Variants in PKD2 observed in about 807,000 individuals in gnomAD.
PKD2 encodes the protein polycystin-2.
In PKD2, 48 loss-of-function variants were observed where a neutral mutation model predicts 105.9. That is an observed-to-expected ratio of 0.45 (90% CI 0.36 to 0.58). The LOEUF is 0.58. Among genes scored for constraint, PKD2 ranks in the 20% least tolerant of loss-of-function variants. The probability of loss-of-function intolerance (pLI) is 0.00; values close to 1 mark genes in which losing one functional copy is unlikely to be tolerated. For synonymous variants in PKD2, 464 were observed against 481.1 expected, an observed-to-expected ratio of 0.96 and a Z score of 0.46; for missense variants, 1,078 against 1,255.3, an observed-to-expected ratio of 0.86 and a Z score of 2.13.
intron 4 of PKD2, among the ~76,000 whole-genome samples, chr4:88,040,623 A>G (rs569055092): frequency 6.6e-6 from 1 of 152,288 alleles, no homozygotes; most frequent in South Asian, 2.1e-4. Context: ...TGCTTTTGAC[A>G]TCTCACCAGG....
chr4:88,057,879 C>T lies in PKD2; in HGVS notation c.1899-104C>T, dbSNP rs955356427. The T allele has an allele frequency of 9.9e-6, 9 of 906,444 alleles. No individual in the cohort carries two copies. In the African/African-American group the frequency reaches 1.5e-4, roughly 15 times the overall value. The allele number at this position is 906,444 out of a possible 1,614,324, so 56.2% of individuals were successfully genotyped here. A position where few individuals can be genotyped will look rare whatever the true frequency, so the allele number is the denominator to read the frequency against. On this transcript the variant is annotated intron_variant, in intron 8 of 14. Transcript: ENST00000237596. ...TTCTGTTATTCGGCAGCTACCTATA[C>T]TGCTAAAAGGTCCAAAAATAATGAA... is the stretch of plus-strand genomic sequence containing the variant.
chr4:88,067,886 C>T lies in PKD2; in HGVS notation c.2359-12C>T, dbSNP rs776794632. On this transcript the variant is annotated splice_polypyrimidine_tract_variant and intron_variant, in intron 12 of 14. Coordinates refer to ENST00000237596, the MANE Select transcript of PKD2 (RefSeq NM_000297.4). The stretch of plus-strand genomic sequence containing the variant: ...TGTTCTGCTCCTCACTCAGTGACCC[C>T]TTGTTCTTCAGGAGGACCTGGATTT... 2 of 1,612,996 alleles carry T rather than the reference C, an allele frequency of 1.2e-6. No homozygotes were observed. Among genetic ancestry groups the T allele is most frequent in the South Asian group, 1.1e-5 (1 of 91,064 alleles).
rs573170494 is a variant in PKD2 at position 88,023,474 on chromosome 4, A to G, written c.709+3903A>G. Among the ~76,000 whole-genome samples the G allele has an allele frequency of 6.6e-5, 10 of 152,380 alleles. 1 individual carries two copies. The South Asian group carries it at 1.7e-3, about 25-fold the overall frequency. On this transcript the variant is annotated intron_variant, in intron 2 of 14. Coordinates refer to ENST00000237596, the MANE Select transcript of PKD2 (RefSeq NM_000297.4). Reference sequence around the variant, plus strand: ...TCAGCATTGGGGATTATGTTTCAACATGAGATTTGGATGGGGACAACATCC... The same window carrying G: ...TCAGCATTGGGGATTATGTTTCAACGTGAGATTTGGATGGGGACAACATCC...
intron 2 of PKD2, 130 bp from the exon 3 acceptor site, chr4:88,036,090 G>A: frequency 1.4e-6 from 2 of 1,389,352 alleles, no homozygotes; most frequent in Non-Finnish European, 2.0e-6. Context: ...GAAGGCAAGG[G>A]TGAGAGAAGA....
intron 13 of PKD2, among the ~76,000 whole-genome samples, chr4:88,072,208 C>G (rs1262331883): frequency 1.3e-5 from 2 of 151,960 alleles, no homozygotes; most frequent in Non-Finnish European, 2.9e-5. Context: ...GTCTCAAACT[C>G]CTGAGTTCAA....
At chr4:88,047,934 AT>A (rs1223059016) in intron 6 of PKD2, among the ~76,000 whole-genome samples, 1 of 152,146 alleles carries the variant, frequency 6.6e-6, no homozygotes, top group Non-Finnish European at 1.5e-5. Context: ...AACTTCTAAG[AT>A]TTTTTTCAAG....
intron 1 of PKD2, among the ~76,000 whole-genome samples, chr4:88,011,889 T>G (rs1726392745): frequency 4.0e-5 from 1 of 25,234 alleles, no homozygotes; most frequent in Non-Finnish European, 8.4e-5. Context: ...TTACAGGTTT[T>G]CAATGGGGGG....
Position 88,043,459 on chromosome 4 carries a change from T to C in PKD2, c.1319+2T>C. On this transcript the variant is annotated splice_donor_variant, in intron 5 of 14. Transcript: ENST00000237596. LOFTEE classifies it high-confidence loss of function. ...CATTAACCTGTTCTGTGTGGTCAGGTGTGTACTGAGGACATGCATCCCTCC... is the reference window on the plus strand; with the variant it reads ...CATTAACCTGTTCTGTGTGGTCAGGCGTGTACTGAGGACATGCATCCCTCC... The C allele has an allele frequency of 6.3e-7, 1 of 1,589,926 alleles. No homozygotes were observed. The highest frequency in any genetic ancestry group is 2.2e-5 in the East Asian group (1 of 44,740).
intron 6 of PKD2, among the ~76,000 whole-genome samples, chr4:88,050,703 T>A (rs180725303): frequency 9.4e-4 from 141 of 149,768 alleles, no homozygotes; most frequent in Admixed American, 1.7e-3. Context: ...TTAGCTGAGA[T>A]GAGCTCCTCA....
At chr4:88,065,605 TTTTC>T in intron 11 of PKD2, 110 bp downstream of exon 11, 1 of 1,308,064 alleles carries the variant, frequency 7.6e-7, no homozygotes, top group Non-Finnish European at 1.1e-6. Flanking sequence ...TTTTTTTTTT[TTTTC>T]CAGAGGCAGG....
intron 13 of PKD2, among the ~76,000 whole-genome samples, chr4:88,071,975 CTTTTTTTT>C (rs1199490302): frequency 1.1e-5 from 1 of 87,110 alleles, no homozygotes; most frequent in Non-Finnish European, 2.1e-5. Context: ...AGAGGCCAGT[CTTTTTTTT>C]TTTTTTTTTT....
At chr4:88,012,277 C>T (rs549586183) in intron 1 of PKD2, among the ~76,000 whole-genome samples, 1 of 152,318 alleles carries the variant, frequency 6.6e-6, no homozygotes, top group Admixed American at 6.5e-5. Flanking sequence ...ACTAAGCCTT[C>T]TAAAGGTTAA....
intron 2 of PKD2, among the ~76,000 whole-genome samples, chr4:88,020,189 T>C (rs540666143): frequency 1.3e-5 from 2 of 152,350 alleles, no homozygotes; most frequent in Admixed American, 1.3e-4. Flanking sequence ...ATTATATCAG[T>C]TAACATAAAG....
At chr4:88,021,631 A>T (rs1448930882) in intron 2 of PKD2, among the ~76,000 whole-genome samples, 1 of 152,222 alleles carries the variant, frequency 6.6e-6, no homozygotes, top group Non-Finnish European at 1.5e-5. Flanking sequence ...CTGATTGAAC[A>T]AGAGTCCCAG....
intron 9 of PKD2, 111 bp downstream of exon 9, chr4:88,058,214 T>A: frequency 1.4e-6 from 1 of 725,926 alleles, no homozygotes; most frequent in African/African-American, 1.8e-5. Flanking sequence ...ACCCAGGAAG[T>A]AGAAAAAAGT....
chr4:88,072,405 A>G (rs1468368996), intron 13 of PKD2, among the ~76,000 whole-genome samples: 3 of 151,966 alleles, frequency 2.0e-5, no homozygotes, highest in Non-Finnish European at 2.9e-5. Flanking sequence ...TATCCCCACA[A>G]TCTCCATTGT....
In PKD2 at chr4:88,074,874, C is replaced by T. The variant is rs767919784; in HGVS notation, c.2585C>T (p.Ala862Val). The T allele has an allele frequency of 1.9e-6, 3 of 1,613,948 alleles. No individual in the cohort carries two copies. In the Admixed American group the frequency reaches 5.0e-5, roughly 27 times the overall value. ...GGCAGCATAGTGTCCAAGATTGACG[C>T]CGTGATCGTGAAGCTAGAGATTATG... is the stretch of plus-strand genomic sequence containing the variant. ...SIGSIVSKID[A>V]VIVKLEIMER... The change falls in exon 14 of 15, where the codon GCC (alanine) becomes GTC (valine). Residue 862 changes from alanine to valine, a missense_variant. By Grantham distance (64) the Ala-to-Val change is moderately conservative. This residue lies in a region of PKD2 where 868 missense variants were observed against 1,067.3 expected (regional missense o/e 0.81). Coordinates refer to ENST00000237596, the MANE Select transcript of PKD2 (RefSeq NM_000297.4).
chr4:88,043,281 A>T lies in PKD2; in HGVS notation c.1143A>T (p.Gly381=). The stretch of plus-strand genomic sequence containing the variant: ...ACTTGAATGGTAGTAGCCACTGGGG[A>T]ATCATTGCAACTTATAGTGGAGCTG... ...EKDLNGSSHW[G]IIATYSGAGY... Residue 381 remains glycine, a synonymous_variant, in exon 5 of 15, where the codon GGA becomes GGT. Coordinates refer to ENST00000237596, the MANE Select transcript of PKD2 (RefSeq NM_000297.4). 6.2e-7 allele frequency: 1 copy of T among 1,613,504 alleles called. No homozygotes were observed. The highest frequency in any genetic ancestry group is 8.5e-7 in the Non-Finnish European group (1 of 1,179,484).
intron 9 of PKD2, among the ~76,000 whole-genome samples, chr4:88,060,075 T>G (rs530519265): frequency 6.6e-6 from 1 of 152,310 alleles, no homozygotes; most frequent in South Asian, 2.1e-4. Context: ...TTCCCACACC[T>G]TCAAGAGCCT....
Sources: gnomAD v4.1 joint callset for allele counts (sites outside exome capture counted in the v4.1 genomes callset) on GRCh38, gnomAD v4.1.1 for gene constraint, gnomAD v4.1.1 regional missense constraint, MANE v1.5 for transcripts, NCBI Gene and HGNC (gene_info 2026-07-23, HGNC 2026-07-21) for gene names.